The following H2BC18 variants were observed in gnomAD, a reference collection of about 807,000 sequenced individuals.
The protein encoded by H2BC18 is histone H2B type 2-F.
In H2BC18, 8 loss-of-function variants were observed where a neutral mutation model predicts 6.3. The observed-to-expected ratio is 1.28, with a 90% CI of 0.75 to 2.31. H2BC18 has a LOEUF of 2.31. Among genes scored for constraint, H2BC18 ranks in the 30% most tolerant of loss-of-function variants. The pLI is 0.00. For missense variants in H2BC18, 106 were observed against 174.5 expected, an observed-to-expected ratio of 0.61 and a Z score of 2.21; for synonymous variants, 104 against 78.1, an observed-to-expected ratio of 1.33 and a Z score of -1.75.
intron 1 of H2BC18, among the ~76,000 whole-genome samples, chr1:149,797,587 T>C (rs1207963928): frequency 6.6e-6 from 1 of 152,196 alleles, no homozygotes; most frequent in African/African-American, 2.4e-5. Flanking sequence ...CAGGTTTTTG[T>C]TGTGTTCCTT....
chr1:149,788,659 C>T, intron 1 of H2BC18: 1 of 1,590,904 alleles, frequency 6.3e-7, no homozygotes, highest in Non-Finnish European at 8.6e-7. Flanking sequence ...GTCCCTCCCC[C>T]TGAGGGACCA....
chr1:149,810,829 C>T (rs2091964846), downstream of H2BC18: 1 of 152,158 alleles, frequency 6.6e-6, no homozygotes, highest in Non-Finnish European at 1.5e-5. Flanking sequence ...CATCCACACT[C>T]CTGAGAACAC....
At chr1:149,796,382 G>A (rs2091800650) in intron 1 of H2BC18, among the ~76,000 whole-genome samples, 1 of 152,172 alleles carries the variant, frequency 6.6e-6, no homozygotes, top group Non-Finnish European at 1.5e-5. Flanking sequence ...CCCAAATGTG[G>A]TATTCTCTGA....
At chr1:149,793,744 C>G (rs1180827674) in intron 1 of H2BC18, among the ~76,000 whole-genome samples, 5 of 151,714 alleles carry the variant, frequency 3.3e-5, no homozygotes, top group Non-Finnish European at 2.9e-5. Flanking sequence ...ACCTTCCAGG[C>G]TGGGTATGGA....
chr1:149,801,534 A>G (rs2091870388), intron 1 of H2BC18, among the ~76,000 whole-genome samples: 2 of 103,748 alleles, frequency 1.9e-5, no homozygotes, highest in Non-Finnish European at 4.3e-5. Flanking sequence ...AAGCATTACT[A>G]TAGTCCCAGT....
chr1:149,801,710 A>G (rs1298960854), intron 1 of H2BC18, among the ~76,000 whole-genome samples: 1 of 150,530 alleles, frequency 6.6e-6, no homozygotes, highest in Non-Finnish European at 1.5e-5. Flanking sequence ...GGAGGGCCAA[A>G]TGTATTTACT....
At chr1:149,791,742 A>C in intron 1 of H2BC18, 1 of 587,450 alleles carries the variant, frequency 1.7e-6, no homozygotes, top group Non-Finnish European at 3.0e-6. Context: ...TTCTTGAAAA[A>C]CTTACAAGTC....
intron 1 of H2BC18, chr1:149,790,183 A>C: frequency 6.2e-7 from 1 of 1,613,916 alleles, no homozygotes; most frequent in South Asian, 1.1e-5. Context: ...TTCTCCTTCT[A>C]CATGGGCAGC....
chr1:149,790,014 C>T (rs2091662679), intron 1 of H2BC18: 1 of 1,611,978 alleles, frequency 6.2e-7, no homozygotes, highest in Admixed American at 1.7e-5. Flanking sequence ...GACCTGGATG[C>T]TAAACAGGCA....
intron 1 of H2BC18, among the ~76,000 whole-genome samples, chr1:149,798,592 A>G (rs2101462169): frequency 6.6e-6 from 1 of 151,428 alleles, no homozygotes; most frequent in East Asian, 1.9e-4. Context: ...CTAGTGCCAT[A>G]TATAAATGTA....
rs782535906 is a variant in H2BC18, at chr1:149,812,298, G to A, written c.26C>T (p.Pro9Leu). Reference sequence around the variant, plus strand: ...CTTTTTGGAGCCCTTCTTGGGAGCAGGAGCGGATTTCGCTGGATCCGGCAT... The same window carrying A: ...CTTTTTGGAGCCCTTCTTGGGAGCAAGAGCGGATTTCGCTGGATCCGGCAT... MPDPAKSA[P>L]APKKGSKKAV... Residue 9 changes from proline (P) to leucine (L), a missense_variant, in exon 1 of 1, where the codon CCT becomes CTT. Pro to Leu is a moderately conservative substitution (Grantham distance 98). This residue lies in a region of H2BC18 where 70 missense variants were observed against 64.6 expected (regional missense o/e 1.08). Coordinates refer to ENST00000369167, the MANE Select transcript of H2BC18 (RefSeq NM_001024599.5). The A allele has an allele frequency of 5.0e-6, 8 of 1,614,232 alleles. No homozygotes were observed. Among genetic ancestry groups the A allele is most frequent in the South Asian group, 4.4e-5 (4 of 91,092 alleles).
chr1:149,788,667 C>T (rs781912511), intron 1 of H2BC18: 4 of 1,599,962 alleles, frequency 2.5e-6, no homozygotes, highest in Admixed American at 1.7e-5. Context: ...CCCTGAGGGA[C>T]CATCATAAAT....
rs782535906 is a variant in H2BC18, at chr1:149,812,298, G to T, written c.26C>A (p.Pro9His). 5.6e-6 allele frequency: 9 copies of T among 1,614,114 alleles called. No homozygotes were observed. The highest frequency in any genetic ancestry group is 1.3e-5 in the African/African-American group (1 of 74,938). The part of the protein sequence containing the change: MPDPAKSA[P>H]APKKGSKKAV... ...CTTTTTGGAGCCCTTCTTGGGAGCA[G>T]GAGCGGATTTCGCTGGATCCGGCAT... Residue 9 changes from proline to histidine, a missense_variant, in exon 1 of 1, where the codon CCT becomes CAT. Transcript: ENST00000369167.
chr1:149,806,083 A>G (rs1327981649), intron 1 of H2BC18, among the ~76,000 whole-genome samples: 34 of 152,170 alleles, frequency 2.2e-4, no homozygotes, highest in African/African-American at 8.0e-4. Context: ...TAGAAATAAT[A>G]CATGCAACTT....
chr1:149,788,668 C>T lies in H2BC18; in HGVS notation c.378-5408G>A, dbSNP rs370912438. ...CTGATAGTCCCTCCCCCTGAGGGACCATCATAAATATTCTAAACTCCTCAC... is the reference window on the plus strand; with the variant it reads ...CTGATAGTCCCTCCCCCTGAGGGACTATCATAAATATTCTAAACTCCTCAC... On this transcript the variant is annotated intron_variant, in intron 1 of 1. Transcript: ENST00000545683. 1,631 of 1,538,554 alleles carry T rather than the reference C, an allele frequency of 1.1e-3. 12 individuals are homozygous for T. In the African/African-American group the frequency reaches 0.019, roughly 18 times the overall value.
intron 1 of H2BC18, among the ~76,000 whole-genome samples, chr1:149,806,449 A>G (rs3106119): frequency 2.6e-5 from 4 of 152,236 alleles, no homozygotes; most frequent in Middle Eastern, 3.4e-3. Context: ...TTAGCTGGGT[A>G]TGGTGGCACT....
chr1:149,797,746 C>A (rs760455487), intron 1 of H2BC18, among the ~76,000 whole-genome samples: 15 of 152,174 alleles, frequency 9.9e-5, no homozygotes, highest in African/African-American at 1.4e-4. Context: ...TATAGGCGTG[C>A]ACCACGACAT....
intron 1 of H2BC18, chr1:149,792,650 T>A (rs1912339): frequency 1.6e-6 from 2 of 1,270,312 alleles, no homozygotes; most frequent in Non-Finnish European, 2.0e-6. Context: ...AGCCTCCGCC[T>A]GTATCTGGGG....
downstream of H2BC18, among the ~76,000 whole-genome samples, chr1:149,808,571 C>A (rs1446958599): frequency 2.0e-5 from 3 of 151,924 alleles, no homozygotes; most frequent in Non-Finnish European, 4.4e-5. Flanking sequence ...AAGAGATAAA[C>A]TAAAGGAAAA....
Sources: allele counts gnomAD v4.1 joint callset (sites outside exome capture counted in the v4.1 genomes callset), GRCh38; gene constraint gnomAD v4.1.1; regional missense constraint gnomAD v4.1.1; transcripts MANE v1.5; gene names NCBI Gene and HGNC (gene_info 2026-07-23, HGNC 2026-07-21).